The following RIOK1 variants were observed in gnomAD, a reference collection of about 807,000 sequenced individuals.
RIOK1 encodes RIO kinase 1.
In RIOK1, 66 loss-of-function variants were observed where a neutral mutation model predicts 73.5. The observed-to-expected ratio is 0.90, with a 90% CI of 0.74 to 1.10. The LOEUF (loss-of-function observed/expected upper bound fraction) is 1.10, where lower values mean the gene tolerates loss of function less well. RIOK1 is among the 50% of genes least tolerant of loss of function. The probability of loss-of-function intolerance (pLI) is 0.00; values close to 1 mark genes in which losing one functional copy is unlikely to be tolerated. For missense variants in RIOK1, 658 were observed against 699.8 expected, an observed-to-expected ratio of 0.94 and a Z score of 0.67; for synonymous variants, 224 against 226.8, an observed-to-expected ratio of 0.99 and a Z score of 0.11.
intron 8 of RIOK1, 68 bp downstream of exon 8, chr6:7,402,965 C>A (rs1315150474): frequency 2.1e-6 from 3 of 1,423,258 alleles, no homozygotes; most frequent in Non-Finnish European, 2.9e-6. Flanking sequence ...TTCCTCCCAG[C>A]AGATCCCAGT....
In RIOK1 at chr6:7,392,693, C is replaced by T. The variant is rs1359950690; in HGVS notation, c.72-406C>T. On this transcript the variant is annotated intron_variant, in intron 1 of 16. Coordinates refer to ENST00000379834, the MANE Select transcript of RIOK1 (RefSeq NM_031480.3). ...AACCGCTGCACCAGCCTTTTTTCCC[C>T]CTTTCTTTTTTCTTGTTTTACAGAA... is the stretch of plus-strand genomic sequence containing the variant. 5.9e-5 allele frequency among the ~76,000 whole-genome samples: 9 copies of T among 152,060 alleles called. No individual in the cohort carries two copies. In the South Asian group the frequency reaches 1.5e-3, roughly 25 times the overall value.
chr6:7,398,128 C>T (rs1215947347), intron 4 of RIOK1, among the ~76,000 whole-genome samples: 1 of 152,036 alleles, frequency 6.6e-6, no homozygotes, highest in African/African-American at 2.4e-5. Context: ...GGCGACAGAG[C>T]GAGACTCCAT....
chr6:7,412,784 A>G, intron 14 of RIOK1, 105 bp from the exon 15 acceptor site: 2 of 469,890 alleles, frequency 4.3e-6, no homozygotes, highest in Non-Finnish European at 7.5e-6. Flanking sequence ...TTATAATCAT[A>G]GGAGACATTA....
chr6:7,414,152 G>T, intron 15 of RIOK1, 86 bp from the exon 16 acceptor site: 1 of 1,292,954 alleles, frequency 7.7e-7, no homozygotes, highest in Non-Finnish European at 1.1e-6. Context: ...CCTAAAATCT[G>T]AATTCTGGCA....
At chr6:7,414,176 C>CA in intron 15 of RIOK1, 62 bp from the exon 16 acceptor site, 1 of 1,473,470 alleles carries the variant, frequency 6.8e-7, no homozygotes, top group South Asian at 1.3e-5. Flanking sequence ...ACACATTTAA[C>CA]AACAACACAT....
At chr6:7,390,654 A>G (rs1314669613) in intron 1 of RIOK1, among the ~76,000 whole-genome samples, 4 of 152,234 alleles carry the variant, frequency 2.6e-5, no homozygotes, top group Non-Finnish European at 5.9e-5. Context: ...CAGAAGGGAC[A>G]GCAAGAGCAA....
intron 1 of RIOK1, among the ~76,000 whole-genome samples, chr6:7,390,532 T>G (rs956520873): frequency 3.3e-5 from 5 of 152,236 alleles, no homozygotes; most frequent in African/African-American, 1.2e-4. Flanking sequence ...ATGTAGACTA[T>G]GCAAATCGTT....
At chr6:7,392,994 C>G in intron 1 of RIOK1, 105 bp from the exon 2 acceptor site, 2 of 1,316,582 alleles carry the variant, frequency 1.5e-6, no homozygotes, top group South Asian at 3.5e-5. Context: ...AATATATAAT[C>G]TTTTAGATTT....
intron 8 of RIOK1, among the ~76,000 whole-genome samples, chr6:7,403,370 C>T (rs1761659432): frequency 6.6e-6 from 1 of 152,128 alleles, no homozygotes; most frequent in South Asian, 2.1e-4. Flanking sequence ...GTTTTGGACA[C>T]TTTTTTTATA....
chr6:7,398,003 T>G (rs557805085), intron 4 of RIOK1, among the ~76,000 whole-genome samples: 25 of 152,242 alleles, frequency 1.6e-4, no homozygotes, highest in African/African-American at 5.5e-4. Flanking sequence ...TTAGCCGGGC[T>G]TGGCGGCGGG....
chr6:7,410,269 TA>T, intron 12 of RIOK1, 116 bp from the exon 13 acceptor site: 1 of 690,816 alleles, frequency 1.4e-6, no homozygotes, highest in Non-Finnish European at 2.6e-6. Flanking sequence ...AATGCTTTCC[TA>T]AGTGTGAGGA....
At chr6:7,413,032 T>C in intron 15 of RIOK1, 90 bp downstream of exon 15, 1 of 628,532 alleles carries the variant, frequency 1.6e-6, no homozygotes, top group East Asian at 3.4e-5. Flanking sequence ...TATTATTTAA[T>C]ATTATTAGAA....
intron 7 of RIOK1, 21 bp downstream of exon 7, chr6:7,402,736 C>G: frequency 6.2e-7 from 1 of 1,604,960 alleles, no homozygotes; most frequent in South Asian, 1.1e-5. Flanking sequence ...ATTTTTCCCT[C>G]CAGTTGGTTT....
chr6:7,405,792 T>C (rs1581718849), intron 12 of RIOK1, among the ~76,000 whole-genome samples: 1 of 133,744 alleles, frequency 7.5e-6, no homozygotes, highest in African/African-American at 2.9e-5. Context: ...TTTTTTTTCC[T>C]TTTTTTTTTT....
intron 5 of RIOK1, among the ~76,000 whole-genome samples, chr6:7,399,467 A>G (rs926655392): frequency 5.9e-5 from 9 of 152,164 alleles, no homozygotes; most frequent in Non-Finnish European, 1.3e-4. Context: ...ACCTCGGAAA[A>G]ATGAGATAGC....
At chr6:7,394,794 C>CT (rs1200196855) in intron 2 of RIOK1, among the ~76,000 whole-genome samples, 1 of 152,102 alleles carries the variant, frequency 6.6e-6, no homozygotes, top group Non-Finnish European at 1.5e-5. Flanking sequence ...TAATTTTAAT[C>CT]TGTTACTTAT....
At chr6:7,402,741 T>C in intron 7 of RIOK1, 26 bp downstream of exon 7, 1 of 1,605,726 alleles carries the variant, frequency 6.2e-7, no homozygotes, top group South Asian at 1.1e-5. Flanking sequence ...TCCCTCCAGT[T>C]GGTTTAATTT....
intron 1 of RIOK1, 58 bp from the exon 2 acceptor site, chr6:7,393,041 G>A (rs1761379319): frequency 2.0e-6 from 3 of 1,481,414 alleles, no homozygotes; most frequent in Admixed American, 3.5e-5. Context: ...AAATATGTGA[G>A]ATCAGTTAGG....
intron 3 of RIOK1, among the ~76,000 whole-genome samples, chr6:7,395,662 A>C (rs1202459189): frequency 6.6e-6 from 1 of 152,068 alleles, no homozygotes; most frequent in Non-Finnish European, 1.5e-5. Flanking sequence ...CACTTGCCAT[A>C]GGAATGTAAT....
Sources: gnomAD v4.1 joint callset for allele counts (sites outside exome capture counted in the v4.1 genomes callset) on GRCh38, gnomAD v4.1.1 for gene constraint, MANE v1.5 for transcripts, NCBI Gene and HGNC (gene_info 2026-07-23, HGNC 2026-07-21) for gene names.